NKAIN3: variants seen among roughly 807,000 people sequenced by gnomAD.
NKAIN3 encodes sodium/potassium transporting ATPase interacting 3, also known as sodium/potassium-transporting ATPase subunit beta-1-interacting protein 3.
NKAIN3 carries 25 observed loss-of-function variants against 30.2 expected under a neutral mutation model. The observed-to-expected ratio is 0.83, with a 90% CI of 0.60 to 1.16. The LOEUF (loss-of-function observed/expected upper bound fraction) is 1.16. Among genes scored for constraint, NKAIN3 ranks in the 50% most tolerant of loss-of-function variants. The pLI is 0.00. For missense variants in NKAIN3, 225 were observed against 254.1 expected (o/e 0.89, Z 0.78); for synonymous variants, 91 against 89.6 (o/e 1.02, Z -0.09).
At chr8:62,783,800 T>C (rs553277284) in intron 4 of NKAIN3, among the ~76,000 whole-genome samples, 2 of 152,028 alleles carry the variant, frequency 1.3e-5, no homozygotes, top group African/African-American at 4.8e-5. Flanking sequence ...ATTTTTTATT[T>C]TTTTGTGGAG....
At chr8:62,883,456 G>GTTTTTTT (rs1563611107) in intron 4 of NKAIN3, among the ~76,000 whole-genome samples, 1 of 17,228 alleles carries the variant, frequency 5.8e-5, no homozygotes, top group Admixed American at 7.0e-4. Context: ...GAGTTTTATG[G>GTTTTTTT]GTTTTTTTTT....
At chr8:62,366,510 GC>G (rs1204983944) in intron 1 of NKAIN3, among the ~76,000 whole-genome samples, 5 of 152,188 alleles carry the variant, frequency 3.3e-5, no homozygotes, top group African/African-American at 1.2e-4. Context: ...AAAGGCGTGA[GC>G]CACTACGCCC....
At chr8:62,250,342 G>A (rs1385997199) in intron 1 of NKAIN3, among the ~76,000 whole-genome samples, 1 of 152,070 alleles carries the variant, frequency 6.6e-6, no homozygotes, top group Non-Finnish European at 1.5e-5. Flanking sequence ...TTATGTATTC[G>A]TAGGTTTGAA....
intron 4 of NKAIN3, among the ~76,000 whole-genome samples, chr8:62,903,461 A>G (rs1329952502): frequency 1.3e-5 from 2 of 152,096 alleles, no homozygotes; most frequent in Non-Finnish European, 2.9e-5. Context: ...GGATCCTAAG[A>G]GCCTAGACTT....
intron 1 of NKAIN3, among the ~76,000 whole-genome samples, chr8:62,289,302 C>G (rs1813494823): frequency 6.6e-6 from 1 of 152,178 alleles, no homozygotes; most frequent in Non-Finnish European, 1.5e-5. Context: ...GTGTTTTAGT[C>G]ATGAAGTCCT....
At chr8:62,353,660 A>G (rs1019655748) in intron 1 of NKAIN3, among the ~76,000 whole-genome samples, 4 of 152,176 alleles carry the variant, frequency 2.6e-5, no homozygotes, top group African/African-American at 9.6e-5. Flanking sequence ...GATAATGTCT[A>G]TTGCAGTTCC....
At chr8:62,456,608 A>G (rs1805828663) in intron 1 of NKAIN3, among the ~76,000 whole-genome samples, 2 of 152,064 alleles carry the variant, frequency 1.3e-5, no homozygotes, top group African/African-American at 4.8e-5. Flanking sequence ...GCATTCAGTC[A>G]TTGAATCATA....
intron 1 of NKAIN3, among the ~76,000 whole-genome samples, chr8:62,548,005 A>G (rs1031171886): frequency 1.3e-5 from 2 of 152,108 alleles, no homozygotes; most frequent in Non-Finnish European, 2.9e-5. Flanking sequence ...TTGAGTACAC[A>G]TGGCCTTATG....
At position 62,479,662 on chromosome 8, in the gene NKAIN3, A is replaced by G. The variant is rs143397418; in HGVS notation, c.55-99877A>G. On this transcript the variant is annotated intron_variant, in intron 1 of 6. Transcript: ENST00000623646. ...GTTCCAGAAACACTGGATGTGCCCA[A>G]CAGGAACCTTTCAAAGGTCAGAGAG... Among the ~76,000 whole-genome samples the G allele has an allele frequency of 7.1e-3, 1,086 of 152,314 alleles. 12 individuals are homozygous for G. The highest frequency in any genetic ancestry group is 0.032 in the South Asian group (153 of 4,826).
chr8:62,498,699 A>C (rs1807318901), intron 1 of NKAIN3, among the ~76,000 whole-genome samples: 2 of 150,014 alleles, frequency 1.3e-5, no homozygotes, highest in South Asian at 4.2e-4. Context: ...CAATCAACCA[A>C]GTGAGGATGT....
chr8:62,689,259 C>A (rs7012264), intron 3 of NKAIN3, among the ~76,000 whole-genome samples: 41,712 of 151,978 alleles, frequency 0.27, 8,629 homozygotes, highest in African/African-American at 0.58. Flanking sequence ...GAGACATCTG[C>A]ACTAAGTACC....
chr8:62,742,321 C>G (rs1815930735), intron 3 of NKAIN3, among the ~76,000 whole-genome samples: 1 of 152,118 alleles, frequency 6.6e-6, no homozygotes, highest in Non-Finnish European at 1.5e-5. Context: ...CTCTGATGCC[C>G]TCTCCAGGAT....
At chr8:62,903,867 C>A (rs573041357) in intron 4 of NKAIN3, among the ~76,000 whole-genome samples, 4 of 152,214 alleles carry the variant, frequency 2.6e-5, no homozygotes, top group African/African-American at 9.6e-5. Context: ...GATAAAACCA[C>A]AAGATCTCAC....
At chr8:62,547,112 TG>T (rs1228295500) in intron 1 of NKAIN3, among the ~76,000 whole-genome samples, 1 of 152,178 alleles carries the variant, frequency 6.6e-6, no homozygotes, top group African/African-American at 2.4e-5. Context: ...GAGTTACAAC[TG>T]TGCCCAAAAA....
At chr8:62,381,996 A>C (rs969592438) in intron 1 of NKAIN3, among the ~76,000 whole-genome samples, 1 of 152,138 alleles carries the variant, frequency 6.6e-6, no homozygotes, top group Non-Finnish European at 1.5e-5. Flanking sequence ...ACTGCACAGC[A>C]TTCAGATGTG....
At chr8:62,952,474 T>G (rs1260435760) in intron 5 of NKAIN3, among the ~76,000 whole-genome samples, 1 of 152,126 alleles carries the variant, frequency 6.6e-6, no homozygotes, top group Admixed American at 6.5e-5. Context: ...CAAAAAGAAA[T>G]TCATCATGAA....
chr8:62,637,667 G>T (rs905672691), intron 3 of NKAIN3, among the ~76,000 whole-genome samples: 1 of 152,106 alleles, frequency 6.6e-6, no homozygotes, highest in Non-Finnish European at 1.5e-5. Flanking sequence ...TAATTCATTT[G>T]GGAGATTCAA....
chr8:62,990,317 G>A (rs1229984273), intron 5 of NKAIN3: 2 of 1,386,960 alleles, frequency 1.4e-6, no homozygotes, highest in East Asian at 2.8e-5. Context: ...CATTATTTTA[G>A]AGTGTCATTC....
chr8:62,868,385 A>G (rs1344781330), intron 4 of NKAIN3, among the ~76,000 whole-genome samples: 2 of 151,260 alleles, frequency 1.3e-5, no homozygotes, highest in Non-Finnish European at 2.9e-5. Flanking sequence ...TCTATTATAA[A>G]CTAAGACTAT....
Sources: allele counts gnomAD v4.1 joint callset (sites outside exome capture counted in the v4.1 genomes callset), GRCh38; gene constraint gnomAD v4.1.1; transcripts MANE v1.5; gene names NCBI Gene and HGNC (gene_info 2026-07-23, HGNC 2026-07-21).